Variants in XPR1 observed in about 807,000 individuals in gnomAD.
XPR1 encodes the protein solute carrier family 53 member 1.
Under a neutral mutation model 87.5 loss-of-function variants are expected in XPR1, and 28 were observed. The ratio of observed to expected loss-of-function variants is 0.32; its 90% CI spans 0.24 to 0.44. The LOEUF (loss-of-function observed/expected upper bound fraction) is 0.44, where lower values mean the gene tolerates loss of function less well. XPR1 is among the 20% of genes least tolerant of loss of function. The pLI, the probability that XPR1 is intolerant of heterozygous loss-of-function variation, is 1.00. For synonymous variants in XPR1, 300 were observed against 306.1 expected (o/e 0.98, Z 0.21); for missense variants, 559 against 862.3 (o/e 0.65, Z 4.41).
chr1:180,769,741 G>C (rs549393700), intron 2 of XPR1, among the ~76,000 whole-genome samples: 190 of 152,264 alleles, frequency 1.2e-3, no homozygotes, highest in African/African-American at 4.4e-3. Context: ...AACAAACATG[G>C]GAGTGCAGAT....
intron 2 of XPR1, among the ~76,000 whole-genome samples, chr1:180,689,704 T>C (rs564854057): frequency 4.6e-5 from 7 of 152,318 alleles, no homozygotes; most frequent in Admixed American, 2.0e-4. Context: ...GTATGGACTT[T>C]AGTTAATAAT....
chr1:180,720,679 A>G (rs1244180193), intron 2 of XPR1, among the ~76,000 whole-genome samples: 1 of 152,144 alleles, frequency 6.6e-6, no homozygotes, highest in Non-Finnish European at 1.5e-5. Flanking sequence ...CAGATCTACT[A>G]AATCAGAAAC....
chr1:180,773,208 G>T (rs1648587093), intron 2 of XPR1, among the ~76,000 whole-genome samples: 1 of 152,082 alleles, frequency 6.6e-6, no homozygotes, highest in Admixed American at 6.6e-5. Flanking sequence ...TATGAATGTT[G>T]GGATTTGGGA....
intron 9 of XPR1, among the ~76,000 whole-genome samples, chr1:180,832,334 T>A (rs1651095525): frequency 6.6e-6 from 1 of 152,194 alleles, no homozygotes; most frequent in Non-Finnish European, 1.5e-5. Context: ...TCCCATTCTA[T>A]AGGTTGCCTG....
intron 2 of XPR1, among the ~76,000 whole-genome samples, chr1:180,696,165 G>GGTGTGTGTGT (rs59249501): frequency 4.9e-5 from 5 of 102,976 alleles, no homozygotes; most frequent in African/African-American, 1.4e-4. Context: ...TTTATTCCTG[G>GGTGTGTGTGT]GTGTGTGTGT....
At chr1:180,726,263 G>A (rs1031700855) in intron 2 of XPR1, among the ~76,000 whole-genome samples, 1 of 152,186 alleles carries the variant, frequency 6.6e-6, no homozygotes, top group Non-Finnish European at 1.5e-5. Flanking sequence ...TCAGGACGTG[G>A]GTGGGGACAA....
chr1:180,835,609 C>T (rs1404496468), intron 10 of XPR1, among the ~76,000 whole-genome samples: 9 of 152,026 alleles, frequency 5.9e-5, no homozygotes, highest in Non-Finnish European at 8.8e-5. Flanking sequence ...TTGATGAAGC[C>T]GATGCTGACA....
chr1:180,877,036 C>G (rs565801735), intron 13 of XPR1, among the ~76,000 whole-genome samples: 1 of 152,162 alleles, frequency 6.6e-6, no homozygotes, highest in Non-Finnish European at 1.5e-5. Flanking sequence ...TAATATAAAT[C>G]AGTCATTTTT....
At chr1:180,697,331 T>G (rs1657204197) in intron 2 of XPR1, among the ~76,000 whole-genome samples, 1 of 152,054 alleles carries the variant, frequency 6.6e-6, no homozygotes, top group Non-Finnish European at 1.5e-5. Context: ...CTTTTTTCTT[T>G]CTAATTTTAT....
At chr1:180,778,638 C>T (rs1471497742) in intron 2 of XPR1, among the ~76,000 whole-genome samples, 1 of 152,070 alleles carries the variant, frequency 6.6e-6, no homozygotes, top group Admixed American at 6.5e-5. Flanking sequence ...CTGTGACAAC[C>T]ACAAGTATCT....
chr1:180,696,258 C>T (rs1657173869), intron 2 of XPR1, among the ~76,000 whole-genome samples: 1 of 137,160 alleles, frequency 7.3e-6, no homozygotes, highest in Admixed American at 7.7e-5. Flanking sequence ...AATGAGATTG[C>T]TTTCTTTTCA....
chr1:180,632,843 A>AAGT (rs1491106647), intron 1 of XPR1, among the ~76,000 whole-genome samples: 4 of 152,198 alleles, frequency 2.6e-5, no homozygotes, highest in Non-Finnish European at 5.9e-5. Flanking sequence ...AACTTGACTT[A>AAGT]AGTGTGTATC....
chr1:180,726,574 G>T (rs1571770517), intron 2 of XPR1, among the ~76,000 whole-genome samples: 1 of 152,308 alleles, frequency 6.6e-6, no homozygotes, highest in East Asian at 1.9e-4. Flanking sequence ...TGGGGTCCCT[G>T]AGACTGAAAA....
At chr1:180,681,079 A>G (rs1327412248) in intron 1 of XPR1, among the ~76,000 whole-genome samples, 3 of 152,188 alleles carry the variant, frequency 2.0e-5, no homozygotes, top group African/African-American at 7.2e-5. Flanking sequence ...AGGTCAGAGG[A>G]TAGGGAGAGA....
chr1:180,694,082 C>T (rs1369959142), intron 2 of XPR1, among the ~76,000 whole-genome samples: 2 of 152,134 alleles, frequency 1.3e-5, no homozygotes, highest in East Asian at 1.9e-4. Context: ...CTCAGTCTCC[C>T]GAGTAGCTAG....
chr1:180,841,180 C>T (rs917973199), intron 11 of XPR1, among the ~76,000 whole-genome samples: 3 of 152,062 alleles, frequency 2.0e-5, no homozygotes, highest in African/African-American at 7.2e-5. Flanking sequence ...ACCCCCAGCA[C>T]AGGTCTCTAA....
In XPR1 at chr1:180,686,488, G is replaced by T. The variant is rs145708463; in HGVS notation, c.121+4077G>T. On this transcript the variant is annotated intron_variant, in intron 2 of 14. Transcript: ENST00000367590. The stretch of plus-strand genomic sequence containing the variant: ...GTTATTTGGGGTGGAGAGTTCTGTA[G>T]ATGTCTATTAGGTCCGCTTGGTGCA... 2.9e-3 allele frequency among the ~76,000 whole-genome samples: 440 copies of T among 152,262 alleles called. 3 individuals carry two copies. Among genetic ancestry groups the T allele is most frequent in the African/African-American group, 9.6e-3 (398 of 41,536 alleles).
Position 180,723,492 on chromosome 1 carries a change from A to G in XPR1, c.121+41081A>G, listed in dbSNP as rs572444616. On this transcript the variant is annotated intron_variant, in intron 2 of 14. Coordinates refer to ENST00000367590, the MANE Select transcript of XPR1 (RefSeq NM_004736.4). ...AGTTTTCTCTAGTAAAACTCTACAT[A>G]AAGAACTGCTTTCTTCCTTATAGCA... 1.6e-4 allele frequency among the ~76,000 whole-genome samples: 25 copies of G among 152,304 alleles called. 1 individual carries two copies. The highest frequency in any genetic ancestry group is 5.5e-4 in the African/African-American group (23 of 41,570).
chr1:180,880,499 A>G (rs1181826713), intron 14 of XPR1, among the ~76,000 whole-genome samples: 1 of 152,252 alleles, frequency 6.6e-6, no homozygotes. Flanking sequence ...AGTAAATGTC[A>G]TCAGTGCATA....
Sources: gnomAD v4.1 joint callset for allele counts (sites outside exome capture counted in the v4.1 genomes callset) on GRCh38, gnomAD v4.1.1 for gene constraint, MANE v1.5 for transcripts, NCBI Gene and HGNC (gene_info 2026-07-23, HGNC 2026-07-21) for gene names.